USP48: variants seen among roughly 807,000 people sequenced by gnomAD.
USP48 encodes ubiquitin specific peptidase 48, also known as ubiquitin carboxyl-terminal hydrolase 48.
A neutral mutation model predicts 150.7 loss-of-function variants in USP48; 43 were observed. The observed-to-expected ratio is 0.29, with a 90% CI of 0.22 to 0.37. The LOEUF is 0.37. USP48 is among the 10% of genes least tolerant of loss of function. USP48 has a pLI of 1.00. For synonymous variants in USP48, 396 were observed against 425.9 expected (o/e 0.93, Z 0.86); for missense variants, 813 against 1,249.6 (o/e 0.65, Z 5.27).
At chr1:21,742,375 C>T (rs1418983444) in intron 8 of USP48, among the ~76,000 whole-genome samples, 1 of 152,034 alleles carries the variant, frequency 6.6e-6, no homozygotes, top group East Asian at 1.9e-4. Flanking sequence ...GAAACCTTGT[C>T]TCTACTAAAA....
At chr1:21,680,951 C>A (rs2097564119) in intron 25 of USP48, 117 bp from the exon 26 acceptor site, 6 of 711,432 alleles carry the variant, frequency 8.4e-6, no homozygotes, top group Non-Finnish European at 1.4e-5. Flanking sequence ...CCTTTGTCAC[C>A]TGTAATAATC....
chr1:21,767,914 A>T (rs953868470), intron 1 of USP48, among the ~76,000 whole-genome samples: 13 of 152,120 alleles, frequency 8.5e-5, no homozygotes, highest in African/African-American at 2.9e-4. Flanking sequence ...GAAATAAGCA[A>T]ATCTAAAAAC....
At chr1:21,762,001 C>T (rs572700977) in intron 1 of USP48, among the ~76,000 whole-genome samples, 1 of 62,840 alleles carries the variant, frequency 1.6e-5, no homozygotes, top group African/African-American at 4.0e-5. Flanking sequence ...TGCAGTGGCT[C>T]CTGCCTGTAA....
chr1:21,680,738 C>A, intron 26 of USP48, 70 bp downstream of exon 26: 2 of 1,404,256 alleles, frequency 1.4e-6, no homozygotes, highest in Non-Finnish European at 1.9e-6. Flanking sequence ...CAAATTATAG[C>A]CTTCGCTTTA....
chr1:21,710,125 T>C (rs2097686467), intron 15 of USP48, among the ~76,000 whole-genome samples: 2 of 152,202 alleles, frequency 1.3e-5, no homozygotes, highest in South Asian at 4.1e-4. Flanking sequence ...TAAACTTGTA[T>C]CCTGCAATGA....
At chr1:21,713,704 G>A (rs1275539881) in intron 15 of USP48, among the ~76,000 whole-genome samples, 1 of 152,188 alleles carries the variant, frequency 6.6e-6, no homozygotes, top group Non-Finnish European at 1.5e-5. Flanking sequence ...AAGGTGATAT[G>A]AGAGTATCAC....
At chr1:21,774,817 C>T (rs1345846086) in intron 1 of USP48, among the ~76,000 whole-genome samples, 3 of 151,636 alleles carry the variant, frequency 2.0e-5, no homozygotes, top group African/African-American at 7.3e-5. Flanking sequence ...CATGGTGAAA[C>T]CCCGTCTCCA....
intron 1 of USP48, among the ~76,000 whole-genome samples, chr1:21,772,259 C>T (rs1340147146): frequency 7.2e-5 from 11 of 152,010 alleles, no homozygotes; most frequent in Admixed American, 5.2e-4. Flanking sequence ...CAAAAACTAA[C>T]GTACCAAAAG....
intron 23 of USP48, among the ~76,000 whole-genome samples, chr1:21,693,504 C>T (rs2097610045): frequency 6.6e-6 from 1 of 152,140 alleles, no homozygotes; most frequent in African/African-American, 2.4e-5. Flanking sequence ...GGAAGAGCAC[C>T]TCTGGGGGCT....
chr1:21,710,436 G>A (rs181604621), intron 15 of USP48, among the ~76,000 whole-genome samples: 61 of 152,074 alleles, frequency 4.0e-4, no homozygotes, highest in African/African-American at 1.3e-3. Flanking sequence ...ACAGCCCATC[G>A]TCTAAGCAAA....
At chr1:21,693,357 A>G (rs1429529262) in intron 23 of USP48, among the ~76,000 whole-genome samples, 1 of 152,218 alleles carries the variant, frequency 6.6e-6, no homozygotes, top group East Asian at 1.9e-4. Flanking sequence ...CCAGGCAAAT[A>G]GGCTCACATC....
rs181872154 is a variant in USP48 at position 21,772,044 on chromosome 1, T to C, written c.134+10780A>G. 1.8e-4 allele frequency among the ~76,000 whole-genome samples: 28 copies of C among 152,064 alleles called. No homozygotes were observed. The East Asian group carries it at 4.4e-3, about 24-fold the overall frequency. On this transcript the variant is annotated intron_variant, in intron 1 of 26. Transcript: ENST00000308271. ...CAATAAATGGTTTAAGACAAGTGAGTAGCCATTTGGTAAAAGGCAAAATAA... is the reference window on the plus strand; with the variant it reads ...CAATAAATGGTTTAAGACAAGTGAGCAGCCATTTGGTAAAAGGCAAAATAA...
At chr1:21,684,918 C>G (rs1400207767) in intron 25 of USP48, among the ~76,000 whole-genome samples, 1 of 152,098 alleles carries the variant, frequency 6.6e-6, no homozygotes, top group Non-Finnish European at 1.5e-5. Context: ...ATACCAATAC[C>G]ATGCTGTTTA....
intron 1 of USP48, among the ~76,000 whole-genome samples, chr1:21,762,600 G>A (rs1401231397): frequency 2.0e-5 from 3 of 152,294 alleles, no homozygotes; most frequent in African/African-American, 7.2e-5. Context: ...GGGCGCGGTG[G>A]CTCACGCCTG....
intron 22 of USP48, among the ~76,000 whole-genome samples, 165 bp downstream of exon 22, chr1:21,701,333 T>A: frequency 7.7e-6 from 1 of 129,804 alleles, no homozygotes. Flanking sequence ...GCCATTGCAC[T>A]CCAGCACAGG....
At chr1:21,759,867 C>T (rs1318822346) in intron 1 of USP48, among the ~76,000 whole-genome samples, 2 of 152,132 alleles carry the variant, frequency 1.3e-5, no homozygotes, top group Non-Finnish European at 2.9e-5. Flanking sequence ...AGGATCATCA[C>T]GGATGCTAAC....
At chr1:21,751,726 C>T in intron 5 of USP48, 111 bp from the exon 6 acceptor site, 1 of 805,424 alleles carries the variant, frequency 1.2e-6, no homozygotes. Context: ...TTCATTAGTT[C>T]TCCTTCACAG....
intron 15 of USP48, among the ~76,000 whole-genome samples, chr1:21,708,094 A>G (rs2097678196): frequency 6.6e-6 from 1 of 152,204 alleles, no homozygotes; most frequent in African/African-American, 2.4e-5. Flanking sequence ...CCTAGGAGGC[A>G]GAGGTGGCAG....
chr1:21,704,194 T>G, intron 20 of USP48, 68 bp downstream of exon 20: 1 of 1,556,056 alleles, frequency 6.4e-7, no homozygotes, highest in Non-Finnish European at 8.7e-7. Flanking sequence ...CAGACAACAC[T>G]GACACACCCT....
Sources: allele counts gnomAD v4.1 joint callset (sites outside exome capture counted in the v4.1 genomes callset), GRCh38; gene constraint gnomAD v4.1.1; transcripts MANE v1.5; gene names NCBI Gene and HGNC (gene_info 2026-07-23, HGNC 2026-07-21).